MAF: variants seen among roughly 807,000 people sequenced by gnomAD.
MAF encodes the protein transcription factor Maf.
Under a neutral mutation model 22.0 loss-of-function variants are expected in MAF, and 10 were observed. The observed-to-expected ratio is 0.45, with a 90% CI of 0.28 to 0.77. The LOEUF (loss-of-function observed/expected upper bound fraction) is 0.77, where lower values mean the gene tolerates loss of function less well. Ranked by LOEUF, MAF falls within the 30% of genes least tolerant of loss-of-function variation. MAF has a pLI of 0.12. For synonymous variants in MAF, 337 were observed against 255.8 expected (o/e 1.32, Z -3.03); for missense variants, 544 against 548.4 (o/e 0.99, Z 0.08).
the MAF span, among the ~76,000 whole-genome samples, chr16:79,573,469 C>T: frequency 2.0e-5 from 3 of 152,166 alleles, no homozygotes; most frequent in African/African-American, 2.4e-5. Context: ...AAAAATTCCC[C>T]GCCCTTTCTT....
the MAF span, among the ~76,000 whole-genome samples, chr16:79,384,872 T>C: frequency 6.6e-5 from 10 of 152,182 alleles, no homozygotes; most frequent in African/African-American, 2.4e-4. Flanking sequence ...TGTTCGTCAA[T>C]GACAGTAGCT....
At chr16:79,304,935 A>T in the MAF span, among the ~76,000 whole-genome samples, 1 of 152,194 alleles carries the variant, frequency 6.6e-6, no homozygotes, top group Admixed American at 6.5e-5. Flanking sequence ...AATAATAAAT[A>T]GGGAGTTTCT....
At chr16:79,348,228 A>G in the MAF span, among the ~76,000 whole-genome samples, 3 of 152,324 alleles carry the variant, frequency 2.0e-5, no homozygotes, top group Admixed American at 1.3e-4. Flanking sequence ...TACTTTGGAG[A>G]GCCTTGAAGC....
In MAF at chr16:79,597,597, A is replaced by C. The variant is rs1400243880; in HGVS notation, c.1118+1188T>G. The C allele has an allele frequency of 8.8e-6, 9 of 1,022,286 alleles. No homozygotes were observed. In the Admixed American group the frequency reaches 4.1e-4, roughly 46 times the overall value. 63.3% of individuals were successfully genotyped at this position (1,022,286 alleles called of 1,614,324 possible). Reference sequence around the variant, plus strand: ...CATTGGGAGGTTGAAGTTCTGAGTAACTCAAAGCAGTTTTGGAGCAGATGC... The same window carrying C: ...CATTGGGAGGTTGAAGTTCTGAGTACCTCAAAGCAGTTTTGGAGCAGATGC... On this transcript the variant is annotated intron_variant, in intron 1 of 1. Transcript: ENST00000326043.
chr16:79,436,528 T>C, the MAF span, among the ~76,000 whole-genome samples: 3 of 152,210 alleles, frequency 2.0e-5, no homozygotes, highest in South Asian at 6.2e-4. Context: ...AGAAAAGTGC[T>C]TCTCTTGCTT....
chr16:79,368,223 C>A, the MAF span, among the ~76,000 whole-genome samples: 1 of 152,290 alleles, frequency 6.6e-6, no homozygotes, highest in South Asian at 2.1e-4. Flanking sequence ...GCTTTCATTT[C>A]ACTGAATATC....
At chr16:79,597,477 T>C in intron 1 of MAF, 1 of 1,025,282 alleles carries the variant, frequency 9.8e-7, no homozygotes. Flanking sequence ...TGGGGCGTCA[T>C]TCTTATTAAA....
chr16:79,583,952 G>T (rs1302044439), downstream of MAF, among the ~76,000 whole-genome samples: 3 of 152,206 alleles, frequency 2.0e-5, no homozygotes, highest in Non-Finnish European at 4.4e-5. Flanking sequence ...GTTGGTTGAT[G>T]TGCGTATGTT....
At chr16:79,523,208 T>C in the MAF span, among the ~76,000 whole-genome samples, 1 of 152,322 alleles carries the variant, frequency 6.6e-6, no homozygotes, top group South Asian at 2.1e-4. Context: ...GGGGCATCTG[T>C]TTGACTCATC....
chr16:79,288,427 C>T, the MAF span, among the ~76,000 whole-genome samples: 7 of 152,138 alleles, frequency 4.6e-5, no homozygotes, highest in Non-Finnish European at 1.0e-4. Context: ...CGTGGGGAGG[C>T]CATGTGGACA....
At chr16:79,377,670 G>T in the MAF span, among the ~76,000 whole-genome samples, 1 of 152,122 alleles carries the variant, frequency 6.6e-6, no homozygotes, top group African/African-American at 2.4e-5. Flanking sequence ...GGTCTAACAT[G>T]TAAGTCTTTA....
At chr16:79,474,008 TTATGTC>T in the MAF span, among the ~76,000 whole-genome samples, 1 of 151,982 alleles carries the variant, frequency 6.6e-6, no homozygotes, top group African/African-American at 2.4e-5. Context: ...ATGAGCATTC[TTATGTC>T]TATAAGGAAA....
the MAF span, among the ~76,000 whole-genome samples, chr16:79,350,480 C>A: frequency 2.0e-5 from 3 of 152,204 alleles, no homozygotes; most frequent in African/African-American, 7.2e-5. Flanking sequence ...TCTTTTCTTT[C>A]TGAGCACACC....
At chr16:79,333,900 A>G in the MAF span, among the ~76,000 whole-genome samples, 94 of 152,242 alleles carry the variant, frequency 6.2e-4, no homozygotes, top group Admixed American at 9.8e-4. Flanking sequence ...CACCACATGC[A>G]GAAACCTATC....
At chr16:79,529,044 A>C in the MAF span, among the ~76,000 whole-genome samples, 2 of 152,178 alleles carry the variant, frequency 1.3e-5, no homozygotes, top group Non-Finnish European at 2.9e-5. Flanking sequence ...TTTTGTTCTT[A>C]TCTGTAGTCT....
the MAF span, among the ~76,000 whole-genome samples, chr16:79,530,297 T>C: frequency 6.6e-6 from 1 of 152,278 alleles, no homozygotes; most frequent in East Asian, 1.9e-4. Flanking sequence ...GTGGTTCAAA[T>C]GGGCTGGGGG....
At chr16:79,356,099 G>A in the MAF span, among the ~76,000 whole-genome samples, 15,726 of 151,660 alleles carry the variant, frequency 0.1, 844 homozygotes, top group African/African-American at 0.14. Context: ...ACACCCACAC[G>A]TGCATTCAAG....
the MAF span, among the ~76,000 whole-genome samples, chr16:79,338,510 A>G: frequency 3.3e-5 from 5 of 152,222 alleles, no homozygotes; most frequent in Non-Finnish European, 2.9e-5. Context: ...CTCGCGGTTA[A>G]AGATATCCAA....
At chr16:79,324,130 A>G in the MAF span, among the ~76,000 whole-genome samples, 1 of 152,146 alleles carries the variant, frequency 6.6e-6, no homozygotes, top group Non-Finnish European at 1.5e-5. Context: ...ACTTCTGACA[A>G]TTTACTTTAA....
Sources: allele counts gnomAD v4.1 joint callset (sites outside exome capture counted in the v4.1 genomes callset), GRCh38; gene constraint gnomAD v4.1.1; transcripts MANE v1.5; gene names NCBI Gene and HGNC (gene_info 2026-07-23, HGNC 2026-07-21).